The following FMNL1 variants were observed in gnomAD, a reference collection of about 807,000 sequenced individuals.
The protein encoded by FMNL1 is formin-like protein 1.
In FMNL1, 43 loss-of-function variants were observed where a neutral mutation model predicts 121.3. The observed-to-expected ratio is 0.35, with a 90% CI of 0.28 to 0.46. FMNL1 has a LOEUF of 0.46. Ranked by LOEUF, FMNL1 falls within the 20% of genes least tolerant of loss-of-function variation. The pLI is 1.00. For synonymous variants in FMNL1, 613 were observed against 613.5 expected, an observed-to-expected ratio of 1.00 and a Z score of 0.01; for missense variants, 1,191 against 1,482.4, an observed-to-expected ratio of 0.80 and a Z score of 3.23.
chr17:45,242,301 A>AC, intron 15 of FMNL1, 40 bp from the exon 16 acceptor site: 3 of 1,606,022 alleles, frequency 1.9e-6, no homozygotes, highest in South Asian at 1.1e-5. Context: ...CTCCAGTAGT[A>AC]CCCCCAGTGC....
Position 45,241,029 on chromosome 17 carries a change from C to A in FMNL1, c.1231-100C>A. On this transcript the variant is annotated intron_variant, in intron 12 of 26. Transcript: ENST00000331495. This position sits in a 1 kb window ranked among gnomAD's most constrained non-coding sequence, Gnocchi z 7.0. ...ACCTGGGCTGAGCGGATCTGGGAGCCTCCCCCAGTCTTCCAGGCAGGCATG... is the reference window on the plus strand; with the variant it reads ...ACCTGGGCTGAGCGGATCTGGGAGCATCCCCCAGTCTTCCAGGCAGGCATG... 1 of 1,449,742 alleles carries A rather than the reference C, an allele frequency of 6.9e-7. No homozygotes were observed. The allele number at this position is 1,449,742 out of a possible 1,614,324, so 89.8% of individuals were successfully genotyped here.
intron 1 of FMNL1, among the ~76,000 whole-genome samples, chr17:45,223,249 G>A (rs916884085): frequency 2.0e-5 from 3 of 152,222 alleles, no homozygotes; most frequent in Admixed American, 1.3e-4. Flanking sequence ...GCATTTCCCA[G>A]TCCCTGCAGG....
In FMNL1 at chr17:45,241,763, C is replaced by T; in HGVS notation, c.1586-84C>T. The T allele has an allele frequency of 7.0e-7, 1 of 1,419,166 alleles. No homozygotes were observed. The allele number at this position is 1,419,166 out of a possible 1,614,324, so 87.9% of individuals were successfully genotyped here. ...GGCTCGGCTCAGGTAGGAGCGCATG[C>T]GTAGAGCGGAGAGGCGGAGAGGGGC... is the stretch of plus-strand genomic sequence containing the variant. On this transcript the variant is annotated intron_variant, in intron 14 of 26. Coordinates refer to ENST00000331495, the MANE Select transcript of FMNL1 (RefSeq NM_005892.4). The surrounding 1 kb of genome is among the most constrained non-coding windows in gnomAD (Gnocchi z 7.0).
chr17:45,237,541 T>A lies in FMNL1; in HGVS notation c.801-5T>A, dbSNP rs1042931325. On this transcript the variant is annotated splice_polypyrimidine_tract_variant and splice_region_variant and intron_variant, in intron 8 of 26. Coordinates refer to ENST00000331495, the MANE Select transcript of FMNL1 (RefSeq NM_005892.4). The surrounding 1 kb of genome is among the most constrained non-coding windows in gnomAD (Gnocchi z 4.4). Reference sequence around the variant, plus strand: ...CAAGGGACAACCTGCCCCTTCTCTCTCCAGAACCAAGGCTCTGGTGCTGGA... The same window carrying A: ...CAAGGGACAACCTGCCCCTTCTCTCACCAGAACCAAGGCTCTGGTGCTGGA... 4.3e-6 allele frequency: 7 copies of A among 1,614,008 alleles called. No individual in the cohort carries two copies. In the African/African-American group the frequency reaches 6.7e-5, roughly 15 times the overall value.
At chr17:45,243,588 G>A (rs1054510719) in intron 17 of FMNL1, among the ~76,000 whole-genome samples, 1 of 152,266 alleles carries the variant, frequency 6.6e-6, no homozygotes, top group African/African-American at 2.4e-5. Context: ...GCTGACGTAC[G>A]ATGGGGACCC....
At chr17:45,239,279 C>G (rs1179212156) in intron 11 of FMNL1, 2 of 572,610 alleles carry the variant, frequency 3.5e-6, no homozygotes, top group Non-Finnish European at 3.1e-6. Context: ...AATCTTGACT[C>G]TAAATGCATA....
intron 16 of FMNL1, among the ~76,000 whole-genome samples, 195 bp downstream of exon 16, chr17:45,242,660 C>G (rs2043734660): frequency 1.3e-5 from 2 of 152,220 alleles, no homozygotes; most frequent in Non-Finnish European, 2.9e-5. Context: ...AAACGCCTTC[C>G]CCTCCATCCC....
At chr17:45,234,001 G>T (rs572623597) in intron 5 of FMNL1, 71 bp from the exon 6 acceptor site, 252 of 1,572,212 alleles carry the variant, frequency 1.6e-4, no homozygotes, top group Admixed American at 4.0e-4. Context: ...GTCTCTCCTT[G>T]CGTTTCCTCT....
In FMNL1 at chr17:45,233,111, G is replaced by C; in HGVS notation, c.328-113G>C. ...TGGTGGGGGAGGCTGAGCATGAAAG[G>C]CCACTTGTGCCAGTTGGAGGAGGGT... On this transcript the variant is annotated intron_variant, in intron 3 of 26. Transcript: ENST00000331495. The surrounding 1 kb of genome is among the most constrained non-coding windows in gnomAD (Gnocchi z 4.1). 9.7e-7 allele frequency: 1 copy of C among 1,032,674 alleles called. No homozygotes were observed. The highest frequency in any genetic ancestry group is 1.5e-6 in the Non-Finnish European group (1 of 679,450). 64.0% of individuals were successfully genotyped at this position (1,032,674 alleles called of 1,614,324 possible). A position where few individuals can be genotyped will look rare whatever the true frequency, so the allele number is the denominator to read the frequency against.
chr17:45,237,522 A>G lies in FMNL1; in HGVS notation c.801-24A>G. On this transcript the variant is annotated intron_variant, in intron 8 of 26. Transcript: ENST00000331495. The surrounding 1 kb of genome is among the most constrained non-coding windows in gnomAD (Gnocchi z 4.4). Reference sequence around the variant, plus strand: ...CGCGGGTCCTGCCTGTTCTCAAGGGACAACCTGCCCCTTCTCTCTCCAGAA... The same window carrying G: ...CGCGGGTCCTGCCTGTTCTCAAGGGGCAACCTGCCCCTTCTCTCTCCAGAA... 1 of 1,613,692 alleles carries G rather than the reference A, an allele frequency of 6.2e-7. No individual in the cohort carries two copies. The highest frequency in any genetic ancestry group is 1.3e-5 in the African/African-American group (1 of 75,018).
chr17:45,245,609 G>A, intron 22 of FMNL1, 23 bp from the exon 23 acceptor site: 2 of 1,613,348 alleles, frequency 1.2e-6, no homozygotes, highest in South Asian at 2.2e-5. Flanking sequence ...CTAAGCTGGG[G>A]GGCTGACAGG....
chr17:45,240,398 T>C, intron 11 of FMNL1, 78 bp from the exon 12 acceptor site: 2 of 1,462,384 alleles, frequency 1.4e-6, no homozygotes, highest in Non-Finnish European at 1.8e-6. Context: ...ATGGCAGTGG[T>C]GGCAGGGGGG....
In FMNL1 at chr17:45,241,096, C is replaced by A. The variant is rs746086486; in HGVS notation, c.1231-33C>A. ...CACCGGCGGTGCCAGTGCCGGGCTG[C>A]GGGTCGGGGCTCACCATGTGCTGGT... On this transcript the variant is annotated intron_variant, in intron 12 of 26. Transcript: ENST00000331495. The surrounding 1 kb of genome is among the most constrained non-coding windows in gnomAD (Gnocchi z 7.0). 1 of 1,611,652 alleles carries A rather than the reference C, an allele frequency of 6.2e-7. No homozygotes were observed. The highest frequency in any genetic ancestry group is 8.5e-7 in the Non-Finnish European group (1 of 1,178,812).
chr17:45,232,409 A>G lies in FMNL1; in HGVS notation c.256A>G (p.Lys86Glu). 1 of 1,613,844 alleles carries G rather than the reference A, an allele frequency of 6.2e-7. No homozygotes were observed. The highest frequency in any genetic ancestry group is 8.5e-7 in the Non-Finnish European group (1 of 1,179,904). The change falls in exon 3 of 27, where the codon AAG becomes GAG. Residue 86 changes from lysine (K) to glutamate (E), a missense_variant. This residue lies in a region of FMNL1 where 253 missense variants were observed against 417.5 expected (regional missense o/e 0.61). Coordinates refer to ENST00000331495, the MANE Select transcript of FMNL1 (RefSeq NM_005892.4). The stretch of plus-strand genomic sequence containing the variant: ...GAATCCCCCCGCAGCCTACATCCAG[A>G]AGCTGAAGAGCTATGTGGATACTGG... ...VKNPPAAYIQKLKSYVDTGGV... is the reference protein window; with the variant it reads ...VKNPPAAYIQELKSYVDTGGV...
chr17:45,229,436 G>A lies in FMNL1; in HGVS notation c.130-1168G>A, dbSNP rs1004843398. ...GCCCTCTGACTGCTCCAGCTGTGGC[G>A]TCTCTGCAGAGCCACATGACTGAGG... On this transcript the variant is annotated intron_variant, in intron 1 of 26. Transcript: ENST00000331495. 5.3e-5 allele frequency among the ~76,000 whole-genome samples: 8 copies of A among 152,210 alleles called. No homozygotes were observed. The South Asian group carries it at 1.4e-3, about 28-fold the overall frequency.
rs367921100 is a variant in FMNL1 at position 45,228,131 on chromosome 17, C to T, written c.130-2473C>T. ...TTTTCAGGGTGGCCTCACTCCACCC[C>T]GAGTGAGTGGCATCTGATGGCCCCT... On this transcript the variant is annotated intron_variant, in intron 1 of 26. Coordinates refer to ENST00000331495, the MANE Select transcript of FMNL1 (RefSeq NM_005892.4). Among the ~76,000 whole-genome samples, 141 of 152,290 alleles carry T rather than the reference C, an allele frequency of 9.3e-4. 1 individual carries two copies. The highest frequency in any genetic ancestry group is 3.2e-3 in the African/African-American group (132 of 41,572).
At position 45,233,331 on chromosome 17, in the gene FMNL1, T is replaced by C. The variant is rs1417394376; in HGVS notation, c.401+34T>C. The C allele has an allele frequency of 6.5e-7, 1 of 1,544,270 alleles. No individual in the cohort carries two copies. The highest frequency in any genetic ancestry group is 2.4e-5 in the East Asian group (1 of 41,032). ...GGGCTCAGATCTTCCTCTCTGGGCC[T>C]AGGAAGGCTCTGCTTCCAGGCAGCT... On this transcript the variant is annotated intron_variant, in intron 4 of 26. Transcript: ENST00000331495. This position sits in a 1 kb window ranked among gnomAD's most constrained non-coding sequence, Gnocchi z 4.1.
intron 10 of FMNL1, 93 bp downstream of exon 10, chr17:45,238,731 GC>G: frequency 3.3e-6 from 5 of 1,503,994 alleles, no homozygotes; most frequent in Non-Finnish European, 3.7e-6. Flanking sequence ...AATGGGCTCT[GC>G]CCCCGCAAAG....
intron 1 of FMNL1, among the ~76,000 whole-genome samples, chr17:45,223,406 C>T (rs1057284285): frequency 2.6e-5 from 4 of 152,218 alleles, no homozygotes; most frequent in Admixed American, 1.3e-4. Flanking sequence ...CAGAGGGTCA[C>T]CTCCTAACAG....
Sources: gnomAD v4.1 joint callset for allele counts (sites outside exome capture counted in the v4.1 genomes callset) on GRCh38, gnomAD v4.1.1 for gene constraint, gnomAD v4.1.1 regional missense constraint, Gnocchi (gnomAD v3.1) non-coding constraint, MANE v1.5 for transcripts, NCBI Gene and HGNC (gene_info 2026-07-23, HGNC 2026-07-21) for gene names.